Variants in PTPRD observed in about 807,000 individuals in gnomAD.
The protein encoded by PTPRD is receptor-type tyrosine-protein phosphatase delta.
A neutral mutation model predicts 214.5 loss-of-function variants in PTPRD; 34 were observed. That is an observed-to-expected ratio of 0.16 (90% CI 0.12 to 0.21). PTPRD has a LOEUF of 0.21. Among genes scored for constraint, PTPRD ranks in the 10% least tolerant of loss-of-function variants. PTPRD has a pLI of 1.00. For missense variants in PTPRD, 2,545 were observed against 2,398.7 expected (o/e 1.06, Z -1.27); for synonymous variants, 1,128 against 845.7 (o/e 1.33, Z -5.79).
At position 8,880,570 on chromosome 9, in the gene PTPRD, C is replaced by T. The variant is rs1261659952; in HGVS notation, c.-104+138127G>A. ...TATTGGGAGTAATGAAATAACATTA[C>T]ATTACTGCAAAGACAAGCAAACAAG... is the stretch of plus-strand genomic sequence containing the variant. On this transcript the variant is annotated intron_variant, in intron 11 of 45. Coordinates refer to ENST00000381196, the MANE Select transcript of PTPRD (RefSeq NM_002839.4). Among the ~76,000 whole-genome samples the T allele has an allele frequency of 2.0e-5, 3 of 152,236 alleles. No individual in the cohort carries two copies. The East Asian group carries it at 5.8e-4, about 29-fold the overall frequency.
intron 7 of PTPRD, among the ~76,000 whole-genome samples, chr9:9,594,669 T>C (rs562858983): frequency 1.3e-5 from 2 of 152,260 alleles, no homozygotes; most frequent in Admixed American, 6.5e-5. Flanking sequence ...TTGGTGACTA[T>C]GGCCTTATAG....
chr9:9,721,013 CA>C lies in PTPRD; in HGVS notation c.-287+13519del, dbSNP rs780308112. On this transcript the variant is annotated intron_variant, in intron 7 of 45. Transcript: ENST00000381196. ...TAGGGTGGGAGGAGCAAGAAGGGTA[CA>C]AAAAAAAATAACTGTTGGGTACGAG... Among the ~76,000 whole-genome samples the C allele has an allele frequency of 4.1e-3, 618 of 149,362 alleles. 3 individuals carry two copies. The highest frequency in any genetic ancestry group is 0.014 in the African/African-American group (580 of 40,774).
intron 5 of PTPRD, among the ~76,000 whole-genome samples, chr9:9,894,943 G>A (rs913278396): frequency 3.3e-5 from 5 of 151,990 alleles, no homozygotes; most frequent in South Asian, 2.1e-4. Context: ...GAACAAAAGA[G>A]CCAAAAATTC....
At chr9:10,469,326 A>G (rs78013950) in intron 2 of PTPRD, among the ~76,000 whole-genome samples, 2 of 152,284 alleles carry the variant, frequency 1.3e-5, no homozygotes, top group African/African-American at 4.8e-5. Flanking sequence ...TGTCTAAACT[A>G]TCAGGTGTAT....
At chr9:9,318,216 C>CA (rs1265131852) in intron 9 of PTPRD, among the ~76,000 whole-genome samples, 5 of 133,624 alleles carry the variant, frequency 3.7e-5, no homozygotes, top group African/African-American at 1.1e-4. Context: ...CAAAAACAAA[C>CA]AAAAAACCAA....
At chr9:10,357,042 C>G (rs1039658838) in intron 2 of PTPRD, among the ~76,000 whole-genome samples, 3 of 152,124 alleles carry the variant, frequency 2.0e-5, no homozygotes, top group African/African-American at 7.2e-5. Flanking sequence ...TTCACTTTCA[C>G]TTATAAATGA....
chr9:8,601,930 A>C (rs1415695717), intron 14 of PTPRD, among the ~76,000 whole-genome samples: 1 of 152,118 alleles, frequency 6.6e-6, no homozygotes, highest in East Asian at 1.9e-4. Context: ...CCTGGAATGG[A>C]CCTCCAGTAT....
At chr9:8,945,511 G>A (rs564834018) in intron 11 of PTPRD, among the ~76,000 whole-genome samples, 10 of 151,816 alleles carry the variant, frequency 6.6e-5, no homozygotes, top group African/African-American at 2.4e-4. Flanking sequence ...TTGCTCGCTA[G>A]AATCCTCCTA....
intron 8 of PTPRD, among the ~76,000 whole-genome samples, chr9:9,432,932 T>C (rs950308404): frequency 6.6e-6 from 1 of 152,150 alleles, no homozygotes; most frequent in East Asian, 1.9e-4. Context: ...TGCTTTACTT[T>C]CAAATATTCA....
intron 9 of PTPRD, among the ~76,000 whole-genome samples, chr9:9,220,770 C>A (rs1036533657): frequency 6.6e-6 from 1 of 152,046 alleles, no homozygotes; most frequent in Non-Finnish European, 1.5e-5. Context: ...ACCTCTATTT[C>A]ACAAAATCAG....
intron 3 of PTPRD, among the ~76,000 whole-genome samples, chr9:10,310,663 T>C (rs999909236): frequency 2.6e-5 from 4 of 152,134 alleles, no homozygotes; most frequent in Non-Finnish European, 5.9e-5. Context: ...CGAATCCCAA[T>C]GGACATTAAA....
intron 3 of PTPRD, among the ~76,000 whole-genome samples, chr9:10,231,956 TAGAGAGAGAG>T (rs56151511): frequency 0.048 from 5,204 of 108,874 alleles, 370 homozygotes; most frequent in Admixed American, 0.19. Context: ...GGGAATGAAT[TAGAGAGAGAG>T]AGAGAGAGAG....
chr9:8,826,705 G>A (rs949586641), intron 11 of PTPRD, among the ~76,000 whole-genome samples: 1 of 150,772 alleles, frequency 6.6e-6, no homozygotes, highest in Non-Finnish European at 1.5e-5. Context: ...CTCTCCTGCT[G>A]GACGGTAAGC....
At chr9:9,744,177 T>C (rs775892033) in intron 6 of PTPRD, among the ~76,000 whole-genome samples, 2 of 152,116 alleles carry the variant, frequency 1.3e-5, no homozygotes, top group Non-Finnish European at 1.5e-5. Context: ...ATGATCACAC[T>C]TCCCAAACAA....
chr9:9,695,263 T>C (rs1050736951), intron 7 of PTPRD, among the ~76,000 whole-genome samples: 3 of 152,148 alleles, frequency 2.0e-5, no homozygotes, highest in South Asian at 2.1e-4. Context: ...CTGGGAGCTA[T>C]GTCCTCACAA....
At chr9:8,704,323 G>A (rs961035428) in intron 12 of PTPRD, among the ~76,000 whole-genome samples, 1 of 152,070 alleles carries the variant, frequency 6.6e-6, no homozygotes, top group Non-Finnish European at 1.5e-5. Context: ...TATAATCTCA[G>A]TAGGCATTTC....
chr9:9,844,996 A>G lies in PTPRD; in HGVS notation c.-367-78145T>C, dbSNP rs572590027. On this transcript the variant is annotated intron_variant, in intron 5 of 45. Coordinates refer to ENST00000381196, the MANE Select transcript of PTPRD (RefSeq NM_002839.4). ...TTACCAACTTTAAATATGTTTTTTA[A>G]TAAACCACTGAAATACTGTATGTAT... is the stretch of plus-strand genomic sequence containing the variant. 4.0e-4 allele frequency among the ~76,000 whole-genome samples: 60 copies of G among 149,070 alleles called. 1 individual carries two copies. The highest frequency in any genetic ancestry group is 2.2e-4 in the Non-Finnish European group (15 of 67,282).
intron 4 of PTPRD, among the ~76,000 whole-genome samples, chr9:10,007,566 T>C (rs1354443009): frequency 6.6e-6 from 1 of 151,982 alleles, no homozygotes; most frequent in African/African-American, 2.4e-5. Flanking sequence ...CCATATGATC[T>C]CACGAATGCC....
intron 8 of PTPRD, among the ~76,000 whole-genome samples, chr9:9,560,940 C>T (rs925517802): frequency 2.9e-4 from 44 of 152,092 alleles, no homozygotes; most frequent in African/African-American, 1.0e-3. Flanking sequence ...CGAGCTGTGT[C>T]CTGGCTCCCT....
Sources: allele counts gnomAD v4.1 joint callset (sites outside exome capture counted in the v4.1 genomes callset), GRCh38; gene constraint gnomAD v4.1.1; transcripts MANE v1.5; gene names NCBI Gene and HGNC (gene_info 2026-07-23, HGNC 2026-07-21).